CLDN2: variants seen among roughly 807,000 people sequenced by gnomAD.
The protein encoded by CLDN2 is claudin 2.
Under a neutral mutation model 8.2 loss-of-function variants are expected in CLDN2, and 1 was observed. The ratio of observed to expected loss-of-function variants is 0.12; its 90% CI spans 0.04 to 0.58. The LOEUF (loss-of-function observed/expected upper bound fraction) is 0.58. Among genes scored for constraint, CLDN2 ranks in the 20% least tolerant of loss-of-function variants. The pLI is 0.90. For missense variants in CLDN2, 108 were observed against 172.9 expected (o/e 0.62, Z 2.11); for synonymous variants, 70 against 70.2 (o/e 1.00, Z 0.01).
upstream of CLDN2, among the ~76,000 whole-genome samples, chrX:106,918,784 AAGCT>A (rs1602458811): frequency 8.9e-6 from 1 of 111,748 alleles, no homozygotes; most frequent in African/African-American, 3.3e-5. Flanking sequence ...AAAGTTTGCC[AAGCT>A]AGATATCTAC....
At chrX:106,923,105 G>C (rs1187146963) in intron 1 of CLDN2, among the ~76,000 whole-genome samples, 1 of 110,201 alleles carries the variant, frequency 9.1e-6, no homozygotes, top group Admixed American at 9.7e-5. Context: ...CTCCCTAGTA[G>C]CTGGGATTAC....
At chrX:106,909,056 G>A (rs1933215846) in intron 1 of CLDN2, among the ~76,000 whole-genome samples, 1 of 111,924 alleles carries the variant, frequency 8.9e-6, no homozygotes, top group Admixed American at 9.5e-5. Context: ...AGGAGATTGA[G>A]TTGGACTGGG....
intron 1 of CLDN2, chrX:106,903,032 C>T: frequency 1.1e-6 from 1 of 932,626 alleles, no homozygotes; most frequent in Non-Finnish European, 1.5e-6. Context: ...TTGCTTTTCC[C>T]CTTCACAGAG....
intron 1 of CLDN2, among the ~76,000 whole-genome samples, chrX:106,911,131 T>C (rs372604788): frequency 7.2e-5 from 8 of 111,708 alleles, no homozygotes; most frequent in African/African-American, 1.3e-4. Context: ...ACCATGCAGG[T>C]GATGTTGGGT....
intron 1 of CLDN2, among the ~76,000 whole-genome samples, chrX:106,909,881 T>C (rs750449932): frequency 7.2e-5 from 8 of 111,665 alleles, no homozygotes; most frequent in African/African-American, 1.3e-4. Flanking sequence ...CGGGCTCTCT[T>C]GGCAGAACCT....
chrX:106,919,569 C>T (rs1044937861), upstream of CLDN2, among the ~76,000 whole-genome samples: 2 of 111,077 alleles, frequency 1.8e-5, no homozygotes, highest in African/African-American at 6.6e-5. Flanking sequence ...TTGCAACCTC[C>T]GCCTCCTGGG....
upstream of CLDN2, among the ~76,000 whole-genome samples, chrX:106,919,027 TAAC>T (rs1933352019): frequency 8.9e-6 from 1 of 112,368 alleles, no homozygotes; most frequent in Non-Finnish European, 1.9e-5. Context: ...AAAATGAAAA[TAAC>T]AAAACGTCTA....
chrX:106,903,111 C>G, intron 1 of CLDN2: 2 of 1,209,557 alleles, frequency 1.7e-6, no homozygotes, highest in Non-Finnish European at 2.2e-6. Flanking sequence ...GTTCAGGTTG[C>G]CAAAGGCTAA....
Position 106,928,219 on chromosome X carries a change from G to A in CLDN2, c.-10G>A. The A allele has an allele frequency of 8.4e-7, 1 of 1,197,021 alleles. No individual in the cohort carries two copies. Among genetic ancestry groups the A allele is most frequent in the Non-Finnish European group, 1.1e-6 (1 of 884,823 alleles). On this transcript the variant is annotated 5_prime_UTR_variant, in exon 2 of 2. Transcript: ENST00000336803. ...CAGTCCCTGAAGACGCTTCTACTGAGAGGTCTGCCATGGCCTCTCTTGGCC... is the reference window on the plus strand; with the variant it reads ...CAGTCCCTGAAGACGCTTCTACTGAAAGGTCTGCCATGGCCTCTCTTGGCC...
chrX:106,913,543 T>G (rs371733757), upstream of CLDN2, among the ~76,000 whole-genome samples: 18 of 112,683 alleles, frequency 1.6e-4, 1 homozygote, highest in East Asian at 1.7e-3. Context: ...TTTATTAGTT[T>G]TGTATTGCTG....
At chrX:106,924,487 A>G (rs1481184826) in intron 1 of CLDN2, among the ~76,000 whole-genome samples, 1 of 110,584 alleles carries the variant, frequency 9.0e-6, no homozygotes, top group African/African-American at 3.3e-5. Context: ...TGAGTGACAG[A>G]GGTGAGATTC....
intron 1 of CLDN2, among the ~76,000 whole-genome samples, chrX:106,904,443 A>C (rs1369596922): frequency 8.8e-6 from 1 of 113,011 alleles, no homozygotes; most frequent in Non-Finnish European, 1.9e-5. Flanking sequence ...AATGGTCAAA[A>C]ATTAGAAACA....
chrX:106,903,106 G>A (rs757086100), intron 1 of CLDN2: 4 of 1,208,280 alleles, frequency 3.3e-6, no homozygotes, highest in Non-Finnish European at 2.2e-6. Flanking sequence ...CCTAAGTTCA[G>A]GTTGCCAAAG....
intron 1 of CLDN2, among the ~76,000 whole-genome samples, chrX:106,921,188 T>A (rs1192232423): frequency 1.2e-4 from 14 of 112,509 alleles, no homozygotes. Flanking sequence ...CCTTTCTGTG[T>A]TTTCCAGTGT....
intron 1 of CLDN2, among the ~76,000 whole-genome samples, chrX:106,912,837 A>C (rs1273342103): frequency 2.7e-5 from 3 of 111,736 alleles, no homozygotes; most frequent in African/African-American, 9.8e-5. Flanking sequence ...TCAATGATAA[A>C]AGTTACGCTT....
intron 1 of CLDN2, among the ~76,000 whole-genome samples, chrX:106,922,842 C>CT (rs1933410526): frequency 1.8e-5 from 2 of 111,307 alleles, no homozygotes; most frequent in Admixed American, 1.9e-4. Flanking sequence ...GAGCATAAAG[C>CT]ATGAGGTTGG....
intron 1 of CLDN2, chrX:106,903,287 T>C (rs374926749): frequency 8.4e-7 from 1 of 1,193,053 alleles, no homozygotes; most frequent in Non-Finnish European, 1.1e-6. Flanking sequence ...GCAGAGTCCA[T>C]TCTTAGGGGA....
At position 106,929,277 on chromosome X, in the gene CLDN2, A is replaced by C. The variant is rs927804897; in HGVS notation, c.*356A>C. The C allele has an allele frequency of 5.4e-5, 12 of 221,252 alleles. No individual in the cohort carries two copies. Among genetic ancestry groups the C allele is most frequent in the African/African-American group, 2.6e-4 (9 of 34,437 alleles). The allele number at this position is 221,252 out of a possible 1,213,427, so 18.2% of individuals were successfully genotyped here. The stretch of plus-strand genomic sequence containing the variant: ...CTCCATCCCCAAACCCACTAATCAC[A>C]TCCCACTGACTGACCCTCTGTGATC... On this transcript the variant is annotated 3_prime_UTR_variant, in exon 2 of 2. Coordinates refer to ENST00000336803, the MANE Select transcript of CLDN2 (RefSeq NM_020384.4).
At chrX:106,923,994 A>G (rs1933431459) in intron 1 of CLDN2, among the ~76,000 whole-genome samples, 1 of 111,871 alleles carries the variant, frequency 8.9e-6, no homozygotes, top group East Asian at 2.8e-4. Context: ...CATTTTGAGA[A>G]GTAGTTAAAA....
Sources: gnomAD v4.1 joint callset for allele counts (sites outside exome capture counted in the v4.1 genomes callset) on GRCh38, gnomAD v4.1.1 for gene constraint, MANE v1.5 for transcripts, NCBI Gene and HGNC (gene_info 2026-07-23, HGNC 2026-07-21) for gene names.